CEACAM6: variants seen among roughly 807,000 people sequenced by gnomAD.
The protein encoded by CEACAM6 is CEA cell adhesion molecule 6, also known as cell adhesion molecule CEACAM6.
In CEACAM6, 21 loss-of-function variants were observed where a neutral mutation model predicts 32.4. The ratio of observed to expected loss-of-function variants is 0.65; its 90% CI spans 0.46 to 0.93. The LOEUF is 0.93. CEACAM6 is among the 40% of genes least tolerant of loss of function. The pLI is 0.00. For synonymous variants in CEACAM6, 184 were observed against 174.4 expected (o/e 1.06, Z -0.43); for missense variants, 406 against 432.2 (o/e 0.94, Z 0.54).
intron 2 of CEACAM6, among the ~76,000 whole-genome samples, 177 bp from the exon 3 acceptor site, chr19:41,761,072 T>A (rs2072919937): frequency 1.3e-5 from 2 of 152,158 alleles, no homozygotes; most frequent in South Asian, 2.1e-4. Context: ...GCAGGTGATC[T>A]CACACAATCT....
rs2072923152 is a variant in CEACAM6, at chr19:41,761,400, G to A, written c.576G>A (p.Gln192=). Residue 192 remains glutamine, a synonymous_variant, in exon 3 of 6, where the codon CAG becomes CAA. Coordinates refer to ENST00000199764, the MANE Select transcript of CEACAM6 (RefSeq NM_002483.7). ...GCCTCCCGGTCAGTCCCAGGCTGCA[G>A]CTGTCCAATGGCAACATGACCCTCA... is the stretch of plus-strand genomic sequence containing the variant. ...GQSLPVSPRL[Q]LSNGNMTLTL... 1 of 1,614,062 alleles carries A rather than the reference G, an allele frequency of 6.2e-7. No homozygotes were observed.
At chr19:41,764,976 A>G (rs191961377) in intron 4 of CEACAM6, among the ~76,000 whole-genome samples, 1 of 152,380 alleles carries the variant, frequency 6.6e-6, no homozygotes, top group East Asian at 1.9e-4. Flanking sequence ...GAAAATTGAA[A>G]TAACAATGCC....
Position 41,760,150 on chromosome 19 carries a change from C to A in CEACAM6, c.425-1099C>A, listed in dbSNP as rs554595435. Among the ~76,000 whole-genome samples the A allele has an allele frequency of 2.0e-5, 3 of 152,316 alleles. No individual in the cohort carries two copies. The South Asian group carries it at 6.2e-4, about 32-fold the overall frequency. ...TCCTGTGTATAACTGAAAGCGCACA[C>A]CCATTGACTAACTCCCCATTCTGCC... is the stretch of plus-strand genomic sequence containing the variant. On this transcript the variant is annotated intron_variant, in intron 2 of 5. Transcript: ENST00000199764.
intron 5 of CEACAM6, among the ~76,000 whole-genome samples, chr19:41,770,418 C>G (rs1172796992): frequency 1.3e-5 from 2 of 151,382 alleles, no homozygotes; most frequent in Middle Eastern, 3.4e-3. Flanking sequence ...TATTCATGTG[C>G]GTACATGGGC....
At chr19:41,766,152 A>G (rs782344348) in intron 4 of CEACAM6, 31 bp from the exon 5 acceptor site, 2 of 1,529,642 alleles carry the variant, frequency 1.3e-6, no homozygotes, top group Admixed American at 3.7e-5. Flanking sequence ...GAATAACATC[A>G]CCTTCATTCC....
chr19:41,767,817 C>T (rs1332632374), intron 5 of CEACAM6, among the ~76,000 whole-genome samples: 1 of 152,060 alleles, frequency 6.6e-6, no homozygotes, highest in African/African-American at 2.4e-5. Flanking sequence ...TGGGCTCCAC[C>T]AAGAACTCAG....
Position 41,767,299 on chromosome 19 carries a change from C to T in CEACAM6, c.*40+1000C>T, listed in dbSNP as rs554225534. On this transcript the variant is annotated intron_variant, in intron 5 of 5. Coordinates refer to ENST00000199764, the MANE Select transcript of CEACAM6 (RefSeq NM_002483.7). ...AAGCAACCTCTTATTTCATGGAGAACACAGACTGTGTAGTATTAATATGTG... is the reference window on the plus strand; with the variant it reads ...AAGCAACCTCTTATTTCATGGAGAATACAGACTGTGTAGTATTAATATGTG... Among the ~76,000 whole-genome samples, 19 of 152,256 alleles carry T rather than the reference C, an allele frequency of 1.2e-4. No individual in the cohort carries two copies. In the South Asian group the frequency reaches 3.9e-3, roughly 32 times the overall value.
chr19:41,760,911 G>A (rs2072918746), intron 2 of CEACAM6, among the ~76,000 whole-genome samples: 1 of 152,234 alleles, frequency 6.6e-6, no homozygotes, highest in African/African-American at 2.4e-5. Context: ...AATGTTTCAG[G>A]TGAGGACTCC....
rs373495455 is a variant in CEACAM6 at position 41,766,308 on chromosome 19, G to A, written c.*40+9G>A. 3.0e-4 allele frequency: 421 copies of A among 1,402,250 alleles called. No homozygotes were observed. Among genetic ancestry groups the A allele is most frequent in the Admixed American group, 7.1e-4 (33 of 46,590 alleles). 86.9% of individuals were successfully genotyped at this position (1,402,250 alleles called of 1,614,324 possible). On this transcript the variant is annotated intron_variant, in intron 5 of 5. Coordinates refer to ENST00000199764, the MANE Select transcript of CEACAM6 (RefSeq NM_002483.7). The stretch of plus-strand genomic sequence containing the variant: ...TTCAGGAAGACTGGCAGGTATGATC[G>A]CCTTTCCTCTTGCCATGTTTCCTGC...
rs1465391571 is a variant in CEACAM6, at chr19:41,755,602, C to T, written c.-37C>T. 37 of 1,606,928 alleles carry T rather than the reference C, an allele frequency of 2.3e-5. No homozygotes were observed. Among genetic ancestry groups the T allele is most frequent in the Non-Finnish European group, 3.2e-5 (37 of 1,174,258 alleles). On this transcript the variant is annotated 5_prime_UTR_variant, in exon 1 of 6. Coordinates refer to ENST00000199764, the MANE Select transcript of CEACAM6 (RefSeq NM_002483.7). ...CAGAGCATTCCTGGAGCTCAAGCTC[C>T]TCTACAAAGAGGTGGACAGAGAAGA... is the stretch of plus-strand genomic sequence containing the variant.
intron 4 of CEACAM6, 93 bp downstream of exon 4, chr19:41,762,316 G>A (rs2072931366): frequency 2.0e-6 from 3 of 1,465,746 alleles, no homozygotes; most frequent in South Asian, 1.3e-5. Context: ...CCCAACCTGT[G>A]TCCAAGGGGC....
intron 2 of CEACAM6, among the ~76,000 whole-genome samples, chr19:41,760,765 A>T (rs1422291652): frequency 1.3e-5 from 2 of 152,226 alleles, no homozygotes; most frequent in African/African-American, 4.8e-5. Flanking sequence ...CAGGCTGCAC[A>T]GTATCCTTGG....
rs7246255 is a variant in CEACAM6 at position 41,762,177 on chromosome 19, A to G, written c.912A>G (p.Ser304=). Residue 304 remains serine (S), a synonymous_variant, in exon 4 of 6, where the codon TCA becomes TCG. Coordinates refer to ENST00000199764, the MANE Select transcript of CEACAM6 (RefSeq NM_002483.7). ...CCTATATGTGCCAAGCCCATAACTC[A>G]GCCACTGGCCTCAATAGGACCACAG... is the stretch of plus-strand genomic sequence containing the variant. ...SGSYMCQAHN[S]ATGLNRTTVT... 17,611 of 1,614,092 alleles carry G rather than the reference A, an allele frequency of 0.011. 1,579 individuals are homozygous for G. The African/African-American group carries it at 0.2, about 18-fold the overall frequency.
chr19:41,768,489 A>T (rs1038083486), intron 5 of CEACAM6, among the ~76,000 whole-genome samples: 5 of 152,224 alleles, frequency 3.3e-5, no homozygotes, highest in African/African-American at 1.2e-4. Context: ...AAAGTCTCCC[A>T]TGTCTACTTC....
At chr19:41,763,380 A>C (rs2072938321) in intron 4 of CEACAM6, among the ~76,000 whole-genome samples, 1 of 152,042 alleles carries the variant, frequency 6.6e-6, no homozygotes, top group Non-Finnish European at 1.5e-5. Context: ...TTAAATAGCA[A>C]AGCCTCAGAA....
At chr19:41,764,979 A>G (rs990288081) in intron 4 of CEACAM6, among the ~76,000 whole-genome samples, 1 of 152,252 alleles carries the variant, frequency 6.6e-6, no homozygotes, top group South Asian at 2.1e-4. Flanking sequence ...AATTGAAATA[A>G]CAATGCCTGT....
At chr19:41,758,048 T>C (rs1160880266) in intron 2 of CEACAM6, 2 of 152,224 alleles carry the variant, frequency 1.3e-5, no homozygotes, top group African/African-American at 4.8e-5. Flanking sequence ...CCTTTTGTCT[T>C]GTGCATCCGC....
At chr19:41,766,567 A>G (rs1555822419) in intron 5 of CEACAM6, among the ~76,000 whole-genome samples, 1 of 152,080 alleles carries the variant, frequency 6.6e-6, no homozygotes, top group Non-Finnish European at 1.5e-5. Context: ...CTTTTTCAAC[A>G]TCTCTCACTT....
At chr19:41,759,279 A>C (rs1270101736) in intron 2 of CEACAM6, among the ~76,000 whole-genome samples, 1 of 152,214 alleles carries the variant, frequency 6.6e-6, no homozygotes, top group Non-Finnish European at 1.5e-5. Flanking sequence ...TGCACCAGCC[A>C]CTGGAGTCTC....
Sources: gnomAD v4.1 joint callset for allele counts (sites outside exome capture counted in the v4.1 genomes callset) on GRCh38, gnomAD v4.1.1 for gene constraint, MANE v1.5 for transcripts, NCBI Gene and HGNC (gene_info 2026-07-23, HGNC 2026-07-21) for gene names.